ANKRD11: variants seen among roughly 807,000 people sequenced by gnomAD.
ANKRD11 encodes ankyrin repeat domain-containing protein 11.
In ANKRD11, 17 loss-of-function variants were observed where a neutral mutation model predicts 195.7. The observed-to-expected ratio is 0.09, with a 90% CI of 0.06 to 0.13. ANKRD11 has a LOEUF of 0.13. Ranked by LOEUF, ANKRD11 falls within the 10% of genes least tolerant of loss-of-function variation. The pLI is 1.00. For synonymous variants in ANKRD11, 1,953 were observed against 1,528.1 expected (o/e 1.28, Z -6.49); for missense variants, 3,735 against 3,566.1 (o/e 1.05, Z -1.21).
At chr16:89,318,088 AGC>A (rs2037072124) in intron 2 of ANKRD11, among the ~76,000 whole-genome samples, 1 of 152,180 alleles carries the variant, frequency 6.6e-6, no homozygotes, top group Non-Finnish European at 1.5e-5. Flanking sequence ...GCCTTCCCCG[AGC>A]CCCTGCTTCC....
rs1415406099 is a variant in ANKRD11, at chr16:89,338,097, A to G, written c.-59-21019T>C. 3.9e-5 allele frequency among the ~76,000 whole-genome samples: 6 copies of G among 152,244 alleles called. No homozygotes were observed. In the East Asian group the frequency reaches 1.2e-3, roughly 29 times the overall value. On this transcript the variant is annotated intron_variant, in intron 2 of 12. Coordinates refer to ENST00000301030, the MANE Select transcript of ANKRD11 (RefSeq NM_013275.6). ...CCACTCAGGAGCCCCAGGGGCCCCC[A>G]CTATGGCCATCCCAGGACGCCGCCC...
chr16:89,419,303 A>G (rs2152235750), intron 1 of ANKRD11, among the ~76,000 whole-genome samples: 1 of 152,050 alleles, frequency 6.6e-6, no homozygotes, highest in Middle Eastern at 3.4e-3. Flanking sequence ...AATACAAAAA[A>G]TTAACCAGGT....
At chr16:89,436,903 C>A (rs895092377) in intron 1 of ANKRD11, among the ~76,000 whole-genome samples, 5 of 152,148 alleles carry the variant, frequency 3.3e-5, no homozygotes, top group African/African-American at 1.2e-4. Context: ...CTTAAGCTAA[C>A]TGAATAAAAT....
At chr16:89,478,481 A>C (rs1234869778) in intron 1 of ANKRD11, among the ~76,000 whole-genome samples, 1 of 152,174 alleles carries the variant, frequency 6.6e-6, no homozygotes, top group Non-Finnish European at 1.5e-5. Context: ...GTAACTCATT[A>C]CTTTCCAAAG....
chr16:89,352,847 T>A (rs929986739), intron 2 of ANKRD11, among the ~76,000 whole-genome samples: 1 of 152,222 alleles, frequency 6.6e-6, no homozygotes, highest in African/African-American at 2.4e-5. Flanking sequence ...CTACCTGCTT[T>A]GTCAGCATCT....
At chr16:89,435,952 C>G (rs373146402) in intron 1 of ANKRD11, among the ~76,000 whole-genome samples, 129 of 152,296 alleles carry the variant, frequency 8.5e-4, no homozygotes, top group Admixed American at 1.8e-3. Context: ...CAAGAACAGC[C>G]AGTTGTGTCC....
At chr16:89,329,009 G>A (rs3114892) in intron 2 of ANKRD11, 84,093 of 137,822 alleles carry the variant, frequency 0.61, 26,179 homozygotes, top group Middle Eastern at 0.72. Context: ...GCGCACGGGC[G>A]AATCTGCAGA....
chr16:89,378,071 G>A (rs2040497390), intron 2 of ANKRD11, among the ~76,000 whole-genome samples: 1 of 152,134 alleles, frequency 6.6e-6, no homozygotes, highest in Admixed American at 6.5e-5. Flanking sequence ...TAAAATATGA[G>A]GGGCATGGTG....
intron 1 of ANKRD11, among the ~76,000 whole-genome samples, chr16:89,432,278 C>T (rs1229318047): frequency 1.4e-5 from 2 of 145,878 alleles, no homozygotes; most frequent in Non-Finnish European, 3.0e-5. Flanking sequence ...CACACACACA[C>T]CCCTGGAAAA....
rs757242595 is a variant in ANKRD11 at position 89,280,764 on chromosome 16, C to T, written c.5778G>A (p.Pro1926=). 178 of 1,612,338 alleles carry T rather than the reference C, an allele frequency of 1.1e-4. No homozygotes were observed. The East Asian group carries it at 2.0e-3, about 18-fold the overall frequency. The part of the protein sequence containing the change: ...DQQATAAIIP[P]EPSYLEPLDE... Reference sequence around the variant, plus strand: ...CCAGCGGCTCCAGGTAGCTGGGCTCCGGGGGGATGATGGCGGCCGTCGCCT... The same window carrying T: ...CCAGCGGCTCCAGGTAGCTGGGCTCTGGGGGGATGATGGCGGCCGTCGCCT... Residue 1926 remains proline, a synonymous_variant, in exon 9 of 13, where the codon CCG becomes CCA. Coordinates refer to ENST00000301030, the MANE Select transcript of ANKRD11 (RefSeq NM_013275.6).
chr16:89,316,474 A>T (rs2036963497), intron 3 of ANKRD11, among the ~76,000 whole-genome samples: 1 of 152,248 alleles, frequency 6.6e-6, no homozygotes, highest in Non-Finnish European at 1.5e-5. Context: ...TCTGCACACC[A>T]GGAATCAGCG....
chr16:89,393,043 G>A (rs1338300778), intron 2 of ANKRD11, among the ~76,000 whole-genome samples: 1 of 151,932 alleles, frequency 6.6e-6, no homozygotes. Flanking sequence ...CTATGCAAAT[G>A]CTAACCCTCA....
chr16:89,286,997 G>C, intron 7 of ANKRD11: 1 of 1,289,718 alleles, frequency 7.8e-7, no homozygotes, highest in South Asian at 1.2e-5. Flanking sequence ...TCAGTACAGA[G>C]TTCTTATGTG....
chr16:89,362,888 T>G (rs915716850), intron 2 of ANKRD11, among the ~76,000 whole-genome samples: 10 of 152,080 alleles, frequency 6.6e-5, no homozygotes, highest in Non-Finnish European at 1.2e-4. Context: ...TCTAAGTTGC[T>G]AGCCAATCGG....
At chr16:89,369,141 C>CA (rs2040081417) in intron 2 of ANKRD11, among the ~76,000 whole-genome samples, 2 of 152,184 alleles carry the variant, frequency 1.3e-5, no homozygotes, top group Non-Finnish European at 2.9e-5. Flanking sequence ...GGACCAACCA[C>CA]ACCAGATCAC....
intron 2 of ANKRD11, among the ~76,000 whole-genome samples, chr16:89,407,686 T>G (rs747485): frequency 5.3e-5 from 8 of 150,150 alleles, no homozygotes; most frequent in East Asian, 1.9e-4. Context: ...CACACACACA[T>G]AGACACACAC....
intron 2 of ANKRD11, among the ~76,000 whole-genome samples, chr16:89,395,027 A>T (rs762173240): frequency 2.0e-5 from 3 of 152,254 alleles, no homozygotes; most frequent in Non-Finnish European, 4.4e-5. Context: ...AGTCACTGCA[A>T]TCCAGATCAT....
Position 89,291,577 on chromosome 16 carries a change from T to G in ANKRD11, c.227-394A>C, listed in dbSNP as rs932389930. ...TCTGTTCAATACACGTGTCTGTAAT[T>G]CAATTCCACCTTCCCCGTCCCTCCT... On this transcript the variant is annotated intron_variant, in intron 4 of 12. Coordinates refer to ENST00000301030, the MANE Select transcript of ANKRD11 (RefSeq NM_013275.6). The surrounding 1 kb of genome is among the most constrained non-coding windows in gnomAD (Gnocchi z 5.3). The G allele has an allele frequency of 1.1e-6, 1 of 937,786 alleles. No individual in the cohort carries two copies. Among genetic ancestry groups the G allele is most frequent in the African/African-American group, 1.7e-5 (1 of 59,336 alleles). 58.1% of individuals were successfully genotyped at this position (937,786 alleles called of 1,614,324 possible).
At chr16:89,468,336 T>C (rs564685874) in intron 1 of ANKRD11, among the ~76,000 whole-genome samples, 52 of 152,278 alleles carry the variant, frequency 3.4e-4, no homozygotes, top group African/African-American at 1.1e-3. Flanking sequence ...CCTCCAATCA[T>C]GAGGTCGGGG....
Sources: gnomAD v4.1 joint callset for allele counts (sites outside exome capture counted in the v4.1 genomes callset) on GRCh38, gnomAD v4.1.1 for gene constraint, Gnocchi (gnomAD v3.1) non-coding constraint, MANE v1.5 for transcripts, NCBI Gene and HGNC (gene_info 2026-07-23, HGNC 2026-07-21) for gene names.